The following KDM4C variants were observed in gnomAD, a reference collection of about 807,000 sequenced individuals.
The protein encoded by KDM4C is lysine demethylase 4C.
Under a neutral mutation model 129.3 loss-of-function variants are expected in KDM4C, and 81 were observed. That is an observed-to-expected ratio of 0.63 (90% CI 0.52 to 0.75). The LOEUF (loss-of-function observed/expected upper bound fraction) is 0.75. Ranked by LOEUF, KDM4C falls within the 30% of genes least tolerant of loss-of-function variation. The pLI, the probability that KDM4C is intolerant of heterozygous loss-of-function variation, is 0.00. For missense variants in KDM4C, 1,457 were observed against 1,304.0 expected, an observed-to-expected ratio of 1.12 and a Z score of -1.81; for synonymous variants, 573 against 456.1, an observed-to-expected ratio of 1.26 and a Z score of -3.26.
At chr9:6,966,328 G>A (rs1353641613) in intron 8 of KDM4C, among the ~76,000 whole-genome samples, 2 of 151,952 alleles carry the variant, frequency 1.3e-5, no homozygotes, top group African/African-American at 2.4e-5. Context: ...GAATACAGGC[G>A]CCCGCCACTG....
chr9:6,900,254 G>A (rs576331215), intron 8 of KDM4C, among the ~76,000 whole-genome samples: 1 of 152,136 alleles, frequency 6.6e-6, no homozygotes. Context: ...GGGCAGTGAG[G>A]CCCGGCTTAG....
At chr9:6,854,031 A>C (rs956974738) in intron 5 of KDM4C, among the ~76,000 whole-genome samples, 6 of 151,512 alleles carry the variant, frequency 4.0e-5, no homozygotes, top group African/African-American at 1.5e-4. Context: ...CATGAAAATA[A>C]TTTTTTTTTA....
chr9:7,175,022 GA>G lies in KDM4C; in HGVS notation c.*297del. ...GAAATACTAGTGAATCACCCACAAG[GA>G]AAAGCCACTGCCACAGAGGAGGCGG... On this transcript the variant is annotated 3_prime_UTR_variant, in exon 22 of 22. Coordinates refer to ENST00000381309, the MANE Select transcript of KDM4C (RefSeq NM_015061.6). The G allele has an allele frequency of 4.0e-6, 1 of 251,766 alleles. No homozygotes were observed. The highest frequency in any genetic ancestry group is 7.1e-5 in the East Asian group (1 of 14,048). The allele number at this position is 251,766 out of a possible 1,614,324, so 15.6% of individuals were successfully genotyped here.
chr9:6,777,046 C>T (rs1303570796), intron 1 of KDM4C, among the ~76,000 whole-genome samples: 3 of 152,156 alleles, frequency 2.0e-5, no homozygotes, highest in African/African-American at 7.2e-5. Flanking sequence ...TTCCAGGATT[C>T]CTCACCCTTC....
intron 8 of KDM4C, among the ~76,000 whole-genome samples, chr9:6,979,512 G>T (rs910952249): frequency 4.6e-5 from 7 of 152,142 alleles, no homozygotes; most frequent in Non-Finnish European, 8.8e-5. Context: ...AGAGAAACCT[G>T]AAAATCTCAT....
intron 1 of KDM4C, among the ~76,000 whole-genome samples, chr9:6,768,676 A>G (rs993517112): frequency 3.3e-5 from 5 of 152,064 alleles, no homozygotes; most frequent in East Asian, 3.9e-4. Flanking sequence ...GCATCCTTCA[A>G]TCTCAAATAT....
chr9:6,958,401 A>G (rs181709444), intron 8 of KDM4C, among the ~76,000 whole-genome samples: 332 of 152,208 alleles, frequency 2.2e-3, no homozygotes, highest in African/African-American at 7.6e-3. Flanking sequence ...CCTGACCAAC[A>G]TGGTGAAACC....
intron 19 of KDM4C, among the ~76,000 whole-genome samples, chr9:7,132,672 C>A (rs368772070): frequency 1.1e-4 from 16 of 152,198 alleles, no homozygotes; most frequent in Non-Finnish European, 2.4e-4. Flanking sequence ...GAAAGTTGCC[C>A]ACCTGAAAGT....
At chr9:7,151,312 G>C (rs1187042344) in intron 19 of KDM4C, among the ~76,000 whole-genome samples, 2 of 152,084 alleles carry the variant, frequency 1.3e-5, no homozygotes, top group Non-Finnish European at 2.9e-5. Context: ...AAAATTGGCT[G>C]TTTGAGTAAG....
intron 8 of KDM4C, among the ~76,000 whole-genome samples, chr9:6,905,035 C>T (rs1818070377): frequency 6.6e-6 from 1 of 152,202 alleles, no homozygotes; most frequent in Non-Finnish European, 1.5e-5. Context: ...AGATTTAAAA[C>T]ATTATTGTCC....
At chr9:6,751,624 T>C (rs543522945) in intron 1 of KDM4C, among the ~76,000 whole-genome samples, 1 of 152,128 alleles carries the variant, frequency 6.6e-6, no homozygotes, top group Non-Finnish European at 1.5e-5. Context: ...TATATTAACA[T>C]TAGTTCAAGA....
At chr9:6,839,388 C>A (rs1452997925) in intron 4 of KDM4C, among the ~76,000 whole-genome samples, 3 of 147,750 alleles carry the variant, frequency 2.0e-5, no homozygotes, top group Non-Finnish European at 3.0e-5. Flanking sequence ...TGCCACCACA[C>A]CTGGCCAGTT....
chr9:6,927,613 G>A (rs969240896), intron 8 of KDM4C, among the ~76,000 whole-genome samples: 1 of 152,162 alleles, frequency 6.6e-6, no homozygotes, highest in African/African-American at 2.4e-5. Context: ...CCTCATCTAC[G>A]TAGAGGCTTC....
intron 12 of KDM4C, among the ~76,000 whole-genome samples, chr9:6,996,598 A>ACT (rs1819792193): frequency 6.6e-6 from 1 of 152,220 alleles, no homozygotes; most frequent in South Asian, 2.1e-4. Flanking sequence ...ATTGTAAACT[A>ACT]AGGACAAGCC....
intron 4 of KDM4C, among the ~76,000 whole-genome samples, chr9:6,821,018 G>T (rs1832943162): frequency 1.3e-5 from 2 of 152,080 alleles, no homozygotes; most frequent in African/African-American, 4.8e-5. Flanking sequence ...ATGGTTTATA[G>T]CTCCATCCAT....
At chr9:7,006,462 A>G (rs1468301737) in intron 12 of KDM4C, among the ~76,000 whole-genome samples, 1 of 152,056 alleles carries the variant, frequency 6.6e-6, no homozygotes, top group Non-Finnish European at 1.5e-5. Flanking sequence ...TGTTTGAAAA[A>G]CAGAATTGTT....
intron 5 of KDM4C, among the ~76,000 whole-genome samples, chr9:6,860,793 G>T (rs539461446): frequency 6.6e-6 from 1 of 152,240 alleles, no homozygotes; most frequent in East Asian, 1.9e-4. Flanking sequence ...TTTAATTCAT[G>T]TTAAAATGAT....
chr9:6,952,027 C>T (rs1176159247), intron 8 of KDM4C, among the ~76,000 whole-genome samples: 1 of 151,780 alleles, frequency 6.6e-6, no homozygotes, highest in Non-Finnish European at 1.5e-5. Context: ...ATATAATAAC[C>T]AGAGTTTATA....
At chr9:7,146,818 G>A (rs1842258172) in intron 19 of KDM4C, among the ~76,000 whole-genome samples, 1 of 152,186 alleles carries the variant, frequency 6.6e-6, no homozygotes, top group Non-Finnish European at 1.5e-5. Context: ...GGCTGTTTCA[G>A]ATTCCAATGA....
Sources: gnomAD v4.1 joint callset for allele counts (sites outside exome capture counted in the v4.1 genomes callset) on GRCh38, gnomAD v4.1.1 for gene constraint, MANE v1.5 for transcripts, NCBI Gene and HGNC (gene_info 2026-07-23, HGNC 2026-07-21) for gene names.